Variants in MTMR9 observed in about 807,000 individuals in gnomAD.
MTMR9 encodes myotubularin related protein 9, also known as myotubularin-related protein 9.
Under a neutral mutation model 69.5 loss-of-function variants are expected in MTMR9, and 39 were observed. The observed-to-expected ratio is 0.56, with a 90% CI of 0.43 to 0.73. MTMR9 has a LOEUF of 0.73. MTMR9 is among the 30% of genes least tolerant of loss of function. MTMR9 has a pLI of 0.00. For synonymous variants in MTMR9, 354 were observed against 240.8 expected, an observed-to-expected ratio of 1.47 and a Z score of -4.35; for missense variants, 900 against 671.2, an observed-to-expected ratio of 1.34 and a Z score of -3.77.
In MTMR9 at chr8:11,327,242, G is replaced by C. The variant is rs1163633903; in HGVS notation, c.*4454G>C. On this transcript the variant is annotated 3_prime_UTR_variant, in exon 10 of 10. Coordinates refer to ENST00000221086, the MANE Select transcript of MTMR9 (RefSeq NM_015458.4). ...CCTTTTTAAGAAACTTAATGTTCCA[G>C]CTCTTGAACTACACTGTGGAACAGT... 1 of 152,106 alleles carries C rather than the reference G, an allele frequency of 6.6e-6. No individual in the cohort carries two copies. Among genetic ancestry groups the C allele is most frequent in the African/African-American group, 2.4e-5 (1 of 41,418 alleles). The allele number at this position is 152,106 out of a possible 1,614,324, so 9.4% of individuals were successfully genotyped here.
chr8:11,316,718 A>G lies in MTMR9; in HGVS notation c.1159A>G (p.Asn387Asp), dbSNP rs958517778. Residue 387 changes from asparagine to aspartate, a missense_variant, in exon 8 of 10, where the codon AAC becomes GAC. By Grantham distance (23) the Asn-to-Asp change is conservative. Coordinates refer to ENST00000221086, the MANE Select transcript of MTMR9 (RefSeq NM_015458.4). ...QQRCAQSAYC[N>D]TKQKWEAPVF... ...GCGCTGTGCACAGTCAGCCTACTGT[A>G]ACACCAAGCAGAAGTGGGAGGCTCC... The G allele has an allele frequency of 4.3e-6, 7 of 1,613,322 alleles. No individual in the cohort carries two copies. Among genetic ancestry groups the G allele is most frequent in the South Asian group, 1.1e-5 (1 of 91,018 alleles).
downstream of MTMR9, chr8:11,332,225 C>A: frequency 2.0e-5 from 29 of 1,480,092 alleles, no homozygotes; most frequent in Non-Finnish European, 2.5e-5. Flanking sequence ...TATAATAAAT[C>A]CTAGGAAAGA....
chr8:11,321,564 G>C (rs1410224100), intron 9 of MTMR9: 1 of 453,010 alleles, frequency 2.2e-6, no homozygotes, highest in African/African-American at 2.0e-5. Flanking sequence ...TGCCATGCCG[G>C]AGTTTCAGTG....
In MTMR9 at chr8:11,325,337, C is replaced by G. The variant is rs1456762261; in HGVS notation, c.*2549C>G. 1.3e-5 allele frequency: 2 copies of G among 152,134 alleles called. No individual in the cohort carries two copies. Among genetic ancestry groups the G allele is most frequent in the African/African-American group, 4.8e-5 (2 of 41,432 alleles). 9.4% of individuals were successfully genotyped at this position (152,134 alleles called of 1,614,324 possible). A position where few individuals can be genotyped will look rare whatever the true frequency, so the allele number is the denominator to read the frequency against. The stretch of plus-strand genomic sequence containing the variant: ...TTACCTGGATGAGAAGAATAAATGA[C>G]ACGGATACACTCCTGAGAAGACACT... On this transcript the variant is annotated 3_prime_UTR_variant, in exon 10 of 10. Coordinates refer to ENST00000221086, the MANE Select transcript of MTMR9 (RefSeq NM_015458.4).
chr8:11,314,647 G>C (rs1800337594), intron 6 of MTMR9, among the ~76,000 whole-genome samples: 1 of 152,202 alleles, frequency 6.6e-6, no homozygotes, highest in Non-Finnish European at 1.5e-5. Flanking sequence ...AAAAGGTTCT[G>C]TGAAATTTGT....
intron 3 of MTMR9, among the ~76,000 whole-genome samples, chr8:11,303,625 C>T (rs2117399097): frequency 6.6e-6 from 1 of 152,178 alleles, no homozygotes; most frequent in African/African-American, 2.4e-5. Flanking sequence ...CCTCGACTTC[C>T]TGGGCTCCCG....
intron 1 of MTMR9, among the ~76,000 whole-genome samples, chr8:11,288,020 G>A (rs1355203468): frequency 1.7e-5 from 2 of 114,736 alleles, no homozygotes; most frequent in African/African-American, 3.3e-5. Context: ...TATATAATAC[G>A]TATGATATAT....
At position 11,310,107 on chromosome 8, in the gene MTMR9, TG is replaced by T. The variant is rs1800136669; in HGVS notation, c.971+420del. Among the ~76,000 whole-genome samples, 10 of 152,352 alleles carry T rather than the reference TG, an allele frequency of 6.6e-5. No homozygotes were observed. In the South Asian group the frequency reaches 1.9e-3, roughly 28 times the overall value. Reference sequence around the variant, plus strand: ...AACGTAATTTTGTTACACAGTAAAATGATCCTTTCTAACCTCCGGGATATCT... The same window carrying T: ...AACGTAATTTTGTTACACAGTAAAATATCCTTTCTAACCTCCGGGATATCT... On this transcript the variant is annotated intron_variant, in intron 6 of 9. Transcript: ENST00000221086.
In MTMR9 at chr8:11,306,867, C is replaced by T. The variant is rs540060063; in HGVS notation, c.809+460C>T. Among the ~76,000 whole-genome samples, 35 of 152,260 alleles carry T rather than the reference C, an allele frequency of 2.3e-4. No individual in the cohort carries two copies. The South Asian group carries it at 7.0e-3, about 31-fold the overall frequency. On this transcript the variant is annotated intron_variant, in intron 5 of 9. Coordinates refer to ENST00000221086, the MANE Select transcript of MTMR9 (RefSeq NM_015458.4). ...CCCCATATCTGTGTCCCTCCTACCC[C>T]GACCCCTCCTGCTACTTTCTCTTCC...
intron 2 of MTMR9, chr8:11,298,034 T>C: frequency 2.3e-6 from 1 of 429,490 alleles, no homozygotes; most frequent in Non-Finnish European, 4.8e-6. Context: ...TATATTCTGC[T>C]GCCTCACGTA....
chr8:11,336,161 A>G, the MTMR9 span, among the ~76,000 whole-genome samples: 1 of 152,236 alleles, frequency 6.6e-6, no homozygotes. Context: ...AGAGTGCCAT[A>G]TCAAGAGCTC....
At chr8:11,306,040 A>G (rs3808508) in intron 4 of MTMR9, 150 bp from the exon 5 acceptor site, 14,672 of 648,020 alleles carry the variant, frequency 0.023, 715 homozygotes, top group East Asian at 0.17. Flanking sequence ...TTGTCAATAC[A>G]TGCAAATATT....
At chr8:11,303,111 G>T (rs1585118530) in intron 3 of MTMR9, among the ~76,000 whole-genome samples, 1 of 150,218 alleles carries the variant, frequency 6.7e-6, no homozygotes, top group East Asian at 2.0e-4. Flanking sequence ...GATAAAAGTT[G>T]CATGGAAGAC....
chr8:11,296,478 C>T (rs1799567503), intron 2 of MTMR9, among the ~76,000 whole-genome samples: 1 of 152,182 alleles, frequency 6.6e-6, no homozygotes, highest in African/African-American at 2.4e-5. Context: ...TGTTGTGCAG[C>T]AGATCTCCAG....
At chr8:11,306,639 A>G (rs1461174863) in intron 5 of MTMR9, among the ~76,000 whole-genome samples, 1 of 152,200 alleles carries the variant, frequency 6.6e-6, no homozygotes, top group Non-Finnish European at 1.5e-5. Context: ...ATACATATAC[A>G]TTGTGAACTG....
chr8:11,326,172 C>T lies in MTMR9; in HGVS notation c.*3384C>T, dbSNP rs898292686. 1.3e-5 allele frequency: 2 copies of T among 152,220 alleles called. No individual in the cohort carries two copies. Among genetic ancestry groups the T allele is most frequent in the South Asian group, 4.1e-4 (2 of 4,828 alleles). 9.4% of individuals were successfully genotyped at this position (152,220 alleles called of 1,614,324 possible). On this transcript the variant is annotated 3_prime_UTR_variant, in exon 10 of 10. Coordinates refer to ENST00000221086, the MANE Select transcript of MTMR9 (RefSeq NM_015458.4). ...AATGTTTCGTTGCACTTTGAAAGAT[C>T]TGCTTCAAGGCATAACTCGTGTAGT...
intron 6 of MTMR9, among the ~76,000 whole-genome samples, chr8:11,312,265 G>A (rs1195516142): frequency 6.6e-6 from 1 of 151,834 alleles, no homozygotes; most frequent in African/African-American, 2.4e-5. Flanking sequence ...GCCCGGTCTG[G>A]TCTCAAATTC....
chr8:11,309,762 T>C, intron 6 of MTMR9, 74 bp downstream of exon 6: 1 of 1,506,190 alleles, frequency 6.6e-7, no homozygotes, highest in East Asian at 2.3e-5. Context: ...CAGACATATG[T>C]TTATAGATTA....
chr8:11,297,225 T>C (rs1186441426), intron 2 of MTMR9, among the ~76,000 whole-genome samples: 2 of 152,206 alleles, frequency 1.3e-5, no homozygotes, highest in Non-Finnish European at 2.9e-5. Context: ...TTAGTGATTT[T>C]TAAAACAGGA....
Sources: allele counts gnomAD v4.1 joint callset (sites outside exome capture counted in the v4.1 genomes callset), GRCh38; gene constraint gnomAD v4.1.1; transcripts MANE v1.5; gene names NCBI Gene and HGNC (gene_info 2026-07-23, HGNC 2026-07-21).